The following MYH14 variants were observed in gnomAD, a reference collection of about 807,000 sequenced individuals.
The protein encoded by MYH14 is myosin heavy chain 14, also known as myosin-14.
In MYH14, 123 loss-of-function variants were observed where a neutral mutation model predicts 255.5. The ratio of observed to expected loss-of-function variants is 0.48; its 90% CI spans 0.42 to 0.56. MYH14 has a LOEUF of 0.56. MYH14 is among the 20% of genes least tolerant of loss of function. MYH14 has a pLI of 0.00. For missense variants in MYH14, 2,423 were observed against 2,802.3 expected (o/e 0.86, Z 3.06); for synonymous variants, 1,095 against 1,161.2 (o/e 0.94, Z 1.16).
intron 40 of MYH14, among the ~76,000 whole-genome samples, chr19:50,303,619 C>A (rs2036564829): frequency 6.7e-6 from 1 of 148,792 alleles, no homozygotes; most frequent in African/African-American, 2.6e-5. Context: ...GAACTGGGAC[C>A]ATCTGTTGTA....
intron 30 of MYH14, among the ~76,000 whole-genome samples, chr19:50,279,200 C>T (rs1055132699): frequency 6.6e-6 from 1 of 152,168 alleles, no homozygotes; most frequent in African/African-American, 2.4e-5. Flanking sequence ...TACTGATCTC[C>T]CATTCTGGAG....
chr19:50,298,525 G>T (rs1202908692), intron 39 of MYH14, among the ~76,000 whole-genome samples: 1 of 151,982 alleles, frequency 6.6e-6, no homozygotes, highest in African/African-American at 2.4e-5. Context: ...CAGCACTCTG[G>T]GAGGCCGAGG....
At chr19:50,278,910 C>A (rs1601010305) in intron 30 of MYH14, among the ~76,000 whole-genome samples, 1 of 151,762 alleles carries the variant, frequency 6.6e-6, no homozygotes, top group African/African-American at 2.4e-5. Flanking sequence ...ATCACTTGAA[C>A]CCGGGAGGCA....
At chr19:50,215,749 G>T (rs1674422462) in intron 2 of MYH14, among the ~76,000 whole-genome samples, 1 of 152,034 alleles carries the variant, frequency 6.6e-6, no homozygotes, top group South Asian at 2.1e-4. Flanking sequence ...AGCCCAGGAG[G>T]TAGAGGCTGC....
In MYH14 at chr19:50,260,726, C is replaced by G. The variant is rs529521973; in HGVS notation, c.2424+11C>G. ...GCCTGTGAAAAGATGGTGAGTGGGG[C>G]AGAGCCTGGAATGCGTGTGTGCGTG... On this transcript the variant is annotated intron_variant, in intron 20 of 42. Transcript: ENST00000642316. 3 of 1,604,190 alleles carry G rather than the reference C, an allele frequency of 1.9e-6. No individual in the cohort carries two copies. Among genetic ancestry groups the G allele is most frequent in the South Asian group, 2.2e-5 (2 of 90,450 alleles).
chr19:50,215,072 C>T (rs2032401781), intron 2 of MYH14, among the ~76,000 whole-genome samples: 1 of 152,146 alleles, frequency 6.6e-6, no homozygotes, highest in Non-Finnish European at 1.5e-5. Context: ...CATTCCTGAC[C>T]CTTCCAGGAG....
chr19:50,290,814 T>A, intron 35 of MYH14, 73 bp from the exon 36 acceptor site: 1 of 1,473,342 alleles, frequency 6.8e-7, no homozygotes, highest in South Asian at 1.3e-5. Flanking sequence ...AGGGCAGACA[T>A]CCATGTCCCT....
At chr19:50,268,111 T>C (rs1161342192) in intron 23 of MYH14, 50 bp from the exon 24 acceptor site, 1 of 1,518,964 alleles carries the variant, frequency 6.6e-7, no homozygotes, top group South Asian at 1.2e-5. Flanking sequence ...CAGTGCAGGT[T>C]GCCCTGGGAG....
chr19:50,277,790 G>A (rs774988272), intron 29 of MYH14, among the ~76,000 whole-genome samples: 5 of 152,018 alleles, frequency 3.3e-5, no homozygotes, highest in Admixed American at 6.6e-5. Context: ...GGTGGTGGGC[G>A]CCTGTAATCC....
At chr19:50,271,623 T>A in intron 25 of MYH14, 77 bp downstream of exon 25, 1 of 1,544,430 alleles carries the variant, frequency 6.5e-7, no homozygotes. Flanking sequence ...CTTCACGCCA[T>A]GGGGGTTACC....
At chr19:50,278,867 A>G (rs181483733) in intron 30 of MYH14, among the ~76,000 whole-genome samples, 101 of 151,518 alleles carry the variant, frequency 6.7e-4, no homozygotes, top group Admixed American at 2.6e-3. Context: ...GCATGCCTGT[A>G]ATCCCAGCTA....
In MYH14 at chr19:50,230,793, G is replaced by A; in HGVS notation, c.973+170G>A. 5 of 618,510 alleles carry A rather than the reference G, an allele frequency of 8.1e-6. 1 individual carries two copies. Among genetic ancestry groups the A allele is most frequent in the South Asian group, 5.7e-5 (3 of 52,694 alleles). 38.3% of individuals were successfully genotyped at this position (618,510 alleles called of 1,614,324 possible). A position where few individuals can be genotyped will look rare whatever the true frequency, so the allele number is the denominator to read the frequency against. The stretch of plus-strand genomic sequence containing the variant: ...CTCTCGCTGCGTAGTGGCGTCTGTC[G>A]CACGGTGGGTTCTGCTGCGCTCTGG... On this transcript the variant is annotated intron_variant, in intron 9 of 42. Coordinates refer to ENST00000642316, the MANE Select transcript of MYH14 (RefSeq NM_001145809.2). This position sits in a 1 kb window ranked among gnomAD's most constrained non-coding sequence, Gnocchi z 4.7.
At position 50,280,340 on chromosome 19, in the gene MYH14, C is replaced by G; in HGVS notation, c.4247C>G (p.Ala1416Gly). ...LREQLEEEAA[A>G]RERAGRELQT... ...GAGCAGCTGGAGGAGGAGGCAGCTG[C>G]CAGGGAACGGGCGGGCCGTGAACTG... Residue 1416 changes from alanine (A) to glycine (G), a missense_variant, in exon 32 of 43, where the codon GCC becomes GGC. This residue lies in a region of MYH14 where 1,513 missense variants were observed against 1,674.8 expected (regional missense o/e 0.90). Transcript: ENST00000642316. The surrounding 1 kb of genome is among the most constrained non-coding windows in gnomAD (Gnocchi z 4.8). The G allele has an allele frequency of 6.5e-7, 1 of 1,548,812 alleles. No individual in the cohort carries two copies. Among genetic ancestry groups the G allele is most frequent in the Middle Eastern group, 2.1e-4 (1 of 4,794 alleles).
At chr19:50,235,764 T>C (rs1446774467) in intron 10 of MYH14, among the ~76,000 whole-genome samples, 1 of 151,854 alleles carries the variant, frequency 6.6e-6, no homozygotes, top group Non-Finnish European at 1.5e-5. Flanking sequence ...AGGCTGGTGA[T>C]AGAATGAGAC....
chr19:50,210,136 C>T (rs910176591), intron 1 of MYH14, among the ~76,000 whole-genome samples: 1 of 149,182 alleles, frequency 6.7e-6, no homozygotes, highest in African/African-American at 2.5e-5. Context: ...AAAGAACTGA[C>T]CCTCTGAGCC....
At chr19:50,305,331 C>T (rs1192568967) in intron 40 of MYH14, among the ~76,000 whole-genome samples, 2 of 151,990 alleles carry the variant, frequency 1.3e-5, no homozygotes, top group Non-Finnish European at 2.9e-5. Context: ...AGGAATGAAG[C>T]GGAGGCTATG....
chr19:50,248,938 A>C (rs771578227), intron 12 of MYH14, 49 bp from the exon 13 acceptor site: 1 of 1,606,088 alleles, frequency 6.2e-7, no homozygotes, highest in South Asian at 1.1e-5. Context: ...GACGTCTTTC[A>C]GTCTGCTGAT....
chr19:50,249,280 T>A (rs1178658490), intron 13 of MYH14, 141 bp downstream of exon 13: 1 of 1,000,610 alleles, frequency 1.0e-6, no homozygotes, highest in African/African-American at 1.7e-5. Context: ...CTCTCTGGTC[T>A]CTGTCCCCCT....
chr19:50,272,476 T>C, intron 26 of MYH14, 84 bp from the exon 27 acceptor site: 1 of 1,426,246 alleles, frequency 7.0e-7, no homozygotes. Context: ...GCCTTATATG[T>C]GACTGGGGAC....
Sources: allele counts gnomAD v4.1 joint callset (sites outside exome capture counted in the v4.1 genomes callset), GRCh38; gene constraint gnomAD v4.1.1; regional missense constraint gnomAD v4.1.1; non-coding constraint Gnocchi (gnomAD v3.1); transcripts MANE v1.5; gene names NCBI Gene and HGNC (gene_info 2026-07-23, HGNC 2026-07-21).